STEAP2: variants seen among roughly 807,000 people sequenced by gnomAD.
STEAP2 encodes metalloreductase STEAP2.
A neutral mutation model predicts 46.4 loss-of-function variants in STEAP2; 30 were observed. The observed-to-expected ratio is 0.65, with a 90% CI of 0.48 to 0.88. STEAP2 has a LOEUF of 0.88. Among genes scored for constraint, STEAP2 ranks in the 40% least tolerant of loss-of-function variants. STEAP2 has a pLI of 0.00. For missense variants in STEAP2, 513 were observed against 579.3 expected (o/e 0.89, Z 1.18); for synonymous variants, 180 against 200.5 (o/e 0.90, Z 0.86).
At chr7:90,218,328 A>G (rs1795114672) in intron 2 of STEAP2, among the ~76,000 whole-genome samples, 1 of 152,170 alleles carries the variant, frequency 6.6e-6, no homozygotes, top group South Asian at 2.1e-4. Context: ...GGTCCTAGCC[A>G]TAAAATCTTT....
intron 2 of STEAP2, among the ~76,000 whole-genome samples, chr7:90,222,180 C>T (rs747936356): frequency 1.3e-5 from 2 of 152,014 alleles, no homozygotes; most frequent in African/African-American, 2.4e-5. Context: ...GTGACATCTC[C>T]AAATGGATAT....
chr7:90,219,507 A>G (rs562469104), intron 2 of STEAP2, among the ~76,000 whole-genome samples: 6 of 152,248 alleles, frequency 3.9e-5, no homozygotes, highest in African/African-American at 1.2e-4. Context: ...AGGGGATGCT[A>G]AATTTTCTCA....
chr7:90,230,006 T>A lies in STEAP2; in HGVS notation c.1155T>A (p.Ala385=). 1 of 1,613,264 alleles carries A rather than the reference T, an allele frequency of 6.2e-7. No individual in the cohort carries two copies. Among genetic ancestry groups the A allele is most frequent in the Non-Finnish European group, 8.5e-7 (1 of 1,179,432 alleles). The part of the protein sequence containing the change: ...AVTSIPSVSN[A]LNWREFSFIQ... ...CTTCTATCCCTTCAGTGAGCAATGC[T>A]TTAAACTGGAGAGAATTCAGTTTTA... is the stretch of plus-strand genomic sequence containing the variant. The change falls in exon 5 of 6, where the codon GCT becomes GCA. Residue 385 remains alanine, a synonymous_variant. Coordinates refer to ENST00000394621, the MANE Select transcript of STEAP2 (RefSeq NM_001244944.2).
In STEAP2 at chr7:90,235,831, G is replaced by A; in HGVS notation, c.*3207G>A. The A allele has an allele frequency of 1.3e-6, 1 of 754,842 alleles. No individual in the cohort carries two copies. Among genetic ancestry groups the A allele is most frequent in the Non-Finnish European group, 1.6e-6 (1 of 619,800 alleles). The allele number at this position is 754,842 out of a possible 1,614,324, so 46.8% of individuals were successfully genotyped here. ...TACATATAAGGTTTTTATTTGAATTGTAAAATATTTAAAAGTATGAATAAA... is the reference window on the plus strand; with the variant it reads ...TACATATAAGGTTTTTATTTGAATTATAAAATATTTAAAAGTATGAATAAA... On this transcript the variant is annotated 3_prime_UTR_variant, in exon 6 of 6. Transcript: ENST00000394621.
Position 90,234,184 on chromosome 7 carries a change from A to G in STEAP2, c.*1560A>G. 1.0e-6 allele frequency: 1 copy of G among 985,398 alleles called. No homozygotes were observed. Among genetic ancestry groups the G allele is most frequent in the Non-Finnish European group, 1.2e-6 (1 of 829,898 alleles). The allele number at this position is 985,398 out of a possible 1,614,324, so 61.0% of individuals were successfully genotyped here. A position where few individuals can be genotyped will look rare whatever the true frequency, so the allele number is the denominator to read the frequency against. On this transcript the variant is annotated 3_prime_UTR_variant, in exon 6 of 6. Coordinates refer to ENST00000394621, the MANE Select transcript of STEAP2 (RefSeq NM_001244944.2). Reference sequence around the variant, plus strand: ...GTGGCTAATTATAAATCTACTCTAGAGACATATAATCATACAGATTATTCA... The same window carrying G: ...GTGGCTAATTATAAATCTACTCTAGGGACATATAATCATACAGATTATTCA...
chr7:90,242,571 T>C (rs1263988929), downstream of STEAP2, among the ~76,000 whole-genome samples: 2 of 152,232 alleles, frequency 1.3e-5, no homozygotes, highest in African/African-American at 4.8e-5. Flanking sequence ...GCCACCATCT[T>C]GGTTTGGGGT....
intron 2 of STEAP2, among the ~76,000 whole-genome samples, chr7:90,223,906 C>A (rs965936748): frequency 3.3e-5 from 5 of 152,160 alleles, no homozygotes; most frequent in African/African-American, 9.7e-5. Context: ...AAGTCACTAG[C>A]TACTGAAGTA....
chr7:90,224,903 T>C lies in STEAP2; in HGVS notation c.-33-147T>C, dbSNP rs984204395. ...GAGAAACCAGAATAGTGATCCTTTT[T>C]TAGCTTACAAATTGTGTCTTACTGT... On this transcript the variant is annotated intron_variant, in intron 2 of 5. Coordinates refer to ENST00000394621, the MANE Select transcript of STEAP2 (RefSeq NM_001244944.2). 3 of 632,556 alleles carry C rather than the reference T, an allele frequency of 4.7e-6. No homozygotes were observed. The African/African-American group carries it at 5.5e-5, about 12-fold the overall frequency. 39.2% of individuals were successfully genotyped at this position (632,556 alleles called of 1,614,324 possible).
Position 90,234,414 on chromosome 7 carries a change from A to G in STEAP2, c.*1790A>G, listed in dbSNP as rs957952852. ...GTACTACTGAATCCAACTGCCAACA[A>G]TAAAAAGACTTTTATTTAGTAGAGG... On this transcript the variant is annotated 3_prime_UTR_variant, in exon 6 of 6. Coordinates refer to ENST00000394621, the MANE Select transcript of STEAP2 (RefSeq NM_001244944.2). The G allele has an allele frequency of 9.1e-6, 9 of 985,200 alleles. No homozygotes were observed. The African/African-American group carries it at 1.0e-4, about 11-fold the overall frequency. 61.0% of individuals were successfully genotyped at this position (985,200 alleles called of 1,614,324 possible). A position where few individuals can be genotyped will look rare whatever the true frequency, so the allele number is the denominator to read the frequency against.
At chr7:90,242,064 A>G (rs1230702720), downstream of STEAP2, among the ~76,000 whole-genome samples, 1 of 151,162 alleles carries the variant, frequency 6.6e-6, no homozygotes, top group Non-Finnish European at 1.5e-5. Flanking sequence ...TCCATGAGTA[A>G]AACAAATACC....
chr7:90,232,271 T>G (rs1204702208), intron 5 of STEAP2, 66 bp from the exon 6 acceptor site: 2 of 1,447,966 alleles, frequency 1.4e-6, no homozygotes, highest in African/African-American at 2.8e-5. Context: ...CTTGATAGTT[T>G]AATTTATGAG....
At chr7:90,242,964 G>A (rs1796081553), downstream of STEAP2, among the ~76,000 whole-genome samples, 1 of 152,214 alleles carries the variant, frequency 6.6e-6, no homozygotes, top group Non-Finnish European at 1.5e-5. Context: ...AACAGGATGA[G>A]AACTGAAAAA....
At chr7:90,231,766 A>G (rs1286060323) in intron 5 of STEAP2, among the ~76,000 whole-genome samples, 1 of 152,072 alleles carries the variant, frequency 6.6e-6, no homozygotes, top group African/African-American at 2.4e-5. Context: ...ACATTTCTTT[A>G]ATACACAACT....
chr7:90,226,197 T>C lies in STEAP2; in HGVS notation c.492+623T>C, dbSNP rs10264969. Among the ~76,000 whole-genome samples, 431 of 152,264 alleles carry C rather than the reference T, an allele frequency of 2.8e-3. 2 individuals are homozygous for C. The highest frequency in any genetic ancestry group is 9.7e-3 in the African/African-American group (404 of 41,558). On this transcript the variant is annotated intron_variant, in intron 3 of 5. Transcript: ENST00000394621. ...TGTGAGACAAACCTGAATTTAATAA[T>C]ATGCCCATATTTATGCCAATTTTAA...
chr7:90,234,598 T>G lies in STEAP2; in HGVS notation c.*1974T>G. 1.1e-6 allele frequency: 1 copy of G among 873,416 alleles called. No homozygotes were observed. The highest frequency in any genetic ancestry group is 1.4e-6 in the Non-Finnish European group (1 of 730,416). 54.1% of individuals were successfully genotyped at this position (873,416 alleles called of 1,614,324 possible). A position where few individuals can be genotyped will look rare whatever the true frequency, so the allele number is the denominator to read the frequency against. On this transcript the variant is annotated 3_prime_UTR_variant, in exon 6 of 6. Coordinates refer to ENST00000394621, the MANE Select transcript of STEAP2 (RefSeq NM_001244944.2). ...CAGAGTCTTGCTCTGTCACCCAGGC[T>G]GGAGTGCAGTGGCACGATCTCGGCT...
Position 90,237,668 on chromosome 7 carries a change from T to C in STEAP2, c.*5044T>C, listed in dbSNP as rs1796006191. ...CGTGGATTTTTTTCTCATTAAATAA[T>C]AATTCTAGTATTTGATGGAGGCCTT... On this transcript the variant is annotated 3_prime_UTR_variant, in exon 6 of 6. Coordinates refer to ENST00000394621, the MANE Select transcript of STEAP2 (RefSeq NM_001244944.2). The C allele has an allele frequency of 6.4e-6, 1 of 156,786 alleles. No homozygotes were observed. The highest frequency in any genetic ancestry group is 2.4e-5 in the African/African-American group (1 of 41,510). 9.7% of individuals were successfully genotyped at this position (156,786 alleles called of 1,614,324 possible). A position where few individuals can be genotyped will look rare whatever the true frequency, so the allele number is the denominator to read the frequency against.
chr7:90,235,629 C>G lies in STEAP2; in HGVS notation c.*3005C>G, dbSNP rs1039299276. On this transcript the variant is annotated 3_prime_UTR_variant, in exon 6 of 6. Transcript: ENST00000394621. The stretch of plus-strand genomic sequence containing the variant: ...CTTAATCCTATGCAAAAAAAAAAAT[C>G]AAGTAATTGTTTTCCTATGAGGAAA... The G allele has an allele frequency of 2.7e-5, 24 of 876,124 alleles. No individual in the cohort carries two copies. Among genetic ancestry groups the G allele is most frequent in the Non-Finnish European group, 3.0e-5 (22 of 729,356 alleles). The allele number at this position is 876,124 out of a possible 1,614,324, so 54.3% of individuals were successfully genotyped here.
chr7:90,231,545 ATGTTAC>A (rs1430612072), intron 5 of STEAP2, among the ~76,000 whole-genome samples: 1 of 152,002 alleles, frequency 6.6e-6, no homozygotes, highest in Non-Finnish European at 1.5e-5. Context: ...CCTGTACAGC[ATGTTAC>A]TGTACTGAAT....
In STEAP2 at chr7:90,234,513, G is replaced by A. The variant is rs981852246; in HGVS notation, c.*1889G>A. 1 of 915,758 alleles carries A rather than the reference G, an allele frequency of 1.1e-6. No individual in the cohort carries two copies. The highest frequency in any genetic ancestry group is 1.3e-6 in the Non-Finnish European group (1 of 776,308). 56.7% of individuals were successfully genotyped at this position (915,758 alleles called of 1,614,324 possible). A position where few individuals can be genotyped will look rare whatever the true frequency, so the allele number is the denominator to read the frequency against. Reference sequence around the variant, plus strand: ...GGTAATTCACTTATGATTTTCTAATGTTCTCTTGGTGAATTTTATTATCTT... The same window carrying A: ...GGTAATTCACTTATGATTTTCTAATATTCTCTTGGTGAATTTTATTATCTT... On this transcript the variant is annotated 3_prime_UTR_variant, in exon 6 of 6. Coordinates refer to ENST00000394621, the MANE Select transcript of STEAP2 (RefSeq NM_001244944.2).
Sources: allele counts gnomAD v4.1 joint callset (sites outside exome capture counted in the v4.1 genomes callset), GRCh38; gene constraint gnomAD v4.1.1; transcripts MANE v1.5; gene names NCBI Gene and HGNC (gene_info 2026-07-23, HGNC 2026-07-21).